HEMK2: variants seen among roughly 807,000 people sequenced by gnomAD.
The protein encoded by HEMK2 is methyltransferase HEMK2.
the HEMK2 span, among the ~76,000 whole-genome samples, chr21:28,604,683 C>A: frequency 6.6e-6 from 1 of 152,164 alleles, no homozygotes; most frequent in Non-Finnish European, 1.5e-5. Flanking sequence ...TAACCTGAGA[C>A]CATATGATAA....
the HEMK2 span, among the ~76,000 whole-genome samples, chr21:28,788,092 C>G: frequency 6.7e-6 from 1 of 149,970 alleles, no homozygotes; most frequent in African/African-American, 2.5e-5. Context: ...GCACATAGAC[C>G]AATGGAACAT....
the HEMK2 span, among the ~76,000 whole-genome samples, chr21:28,709,358 A>G: frequency 1.3e-5 from 2 of 152,330 alleles, no homozygotes; most frequent in Admixed American, 1.3e-4. Flanking sequence ...TGTGGAACCC[A>G]GGAGTGGCAC....
chr21:28,663,338 C>T, the HEMK2 span, among the ~76,000 whole-genome samples: 63 of 152,260 alleles, frequency 4.1e-4, no homozygotes, highest in African/African-American at 1.5e-3. Flanking sequence ...CCCAGTGTTC[C>T]CAGATCTCCT....
the HEMK2 span, among the ~76,000 whole-genome samples, chr21:28,839,472 C>G: frequency 6.6e-6 from 1 of 152,076 alleles, no homozygotes; most frequent in East Asian, 1.9e-4. Flanking sequence ...CTTGAAAACC[C>G]TAAGGACTCC....
At chr21:28,723,385 C>T in the HEMK2 span, among the ~76,000 whole-genome samples, 4 of 152,152 alleles carry the variant, frequency 2.6e-5, no homozygotes, top group Admixed American at 2.6e-4. Flanking sequence ...GAGACAACTC[C>T]TCTGCTACAC....
chr21:28,668,566 T>C, the HEMK2 span, among the ~76,000 whole-genome samples: 1 of 152,184 alleles, frequency 6.6e-6, no homozygotes, highest in Non-Finnish European at 1.5e-5. Context: ...TCTGCTCACA[T>C]TTCATTGACC....
the HEMK2 span, among the ~76,000 whole-genome samples, chr21:28,684,989 A>G: frequency 2.0e-5 from 3 of 152,264 alleles, no homozygotes; most frequent in Non-Finnish European, 4.4e-5. Flanking sequence ...TGAGTTCTGC[A>G]TGAACCGAAG....
the HEMK2 span, among the ~76,000 whole-genome samples, chr21:28,668,644 G>A: frequency 6.6e-6 from 1 of 152,178 alleles, no homozygotes; most frequent in African/African-American, 2.4e-5. Flanking sequence ...GTGCTGGTAT[G>A]GTCGAGGGCA....
chr21:28,703,835 A>T, the HEMK2 span, among the ~76,000 whole-genome samples: 3 of 152,216 alleles, frequency 2.0e-5, no homozygotes, highest in Admixed American at 1.3e-4. Context: ...ACAGAAAAAA[A>T]ATTACAGTGT....
At chr21:28,702,152 C>T in the HEMK2 span, among the ~76,000 whole-genome samples, 1 of 152,116 alleles carries the variant, frequency 6.6e-6, no homozygotes, top group Non-Finnish European at 1.5e-5. Flanking sequence ...AACTGGACCC[C>T]TGCCTATTAC....
At chr21:28,595,773 C>CTTTA in the HEMK2 span, among the ~76,000 whole-genome samples, 50,350 of 149,328 alleles carry the variant, frequency 0.34, 9,562 homozygotes, top group Middle Eastern at 0.43. Context: ...TTTTATTTTA[C>CTTTA]TTTATTTATT....
chr21:28,677,707 G>A, the HEMK2 span, among the ~76,000 whole-genome samples: 2 of 152,156 alleles, frequency 1.3e-5, no homozygotes, highest in Non-Finnish European at 2.9e-5. Flanking sequence ...AACTTCCAGA[G>A]GAACAATCAG....
chr21:28,610,907 A>T, the HEMK2 span, among the ~76,000 whole-genome samples: 1 of 152,190 alleles, frequency 6.6e-6, no homozygotes, highest in Non-Finnish European at 1.5e-5. Context: ...AACAATTACT[A>T]CTAGGCCTAA....
At chr21:28,776,536 A>G in the HEMK2 span, among the ~76,000 whole-genome samples, 1 of 152,196 alleles carries the variant, frequency 6.6e-6, no homozygotes, top group Non-Finnish European at 1.5e-5. Flanking sequence ...GCATAGATGT[A>G]TATATGAAGG....
chr21:28,737,884 G>C, the HEMK2 span, among the ~76,000 whole-genome samples: 1 of 152,184 alleles, frequency 6.6e-6, no homozygotes, highest in South Asian at 2.1e-4. Flanking sequence ...CACAAAGAAT[G>C]CAAGGATGAG....
the HEMK2 span, among the ~76,000 whole-genome samples, chr21:28,857,340 C>A: frequency 6.6e-6 from 1 of 151,790 alleles, no homozygotes; most frequent in South Asian, 2.1e-4. Context: ...AAGCACAAAA[C>A]GTATTTTGTA....
At chr21:28,711,430 T>C in the HEMK2 span, among the ~76,000 whole-genome samples, 1 of 152,140 alleles carries the variant, frequency 6.6e-6, no homozygotes, top group Non-Finnish European at 1.5e-5. Flanking sequence ...GGAGTCATGG[T>C]TCCTCAGAAC....
At chr21:28,580,481 C>T in the HEMK2 span, among the ~76,000 whole-genome samples, 1 of 146,082 alleles carries the variant, frequency 6.8e-6, no homozygotes, top group Non-Finnish European at 1.5e-5. Context: ...TTGAGCAAAA[C>T]AATATTCCCT....
At chr21:28,649,558 G>A in the HEMK2 span, among the ~76,000 whole-genome samples, 4 of 152,168 alleles carry the variant, frequency 2.6e-5, no homozygotes, top group Non-Finnish European at 5.9e-5. Context: ...ACAACTACAT[G>A]AACAGTAGAA....
Sources: allele counts gnomAD v4.1 joint callset (sites outside exome capture counted in the v4.1 genomes callset), GRCh38; gene constraint gnomAD v4.1.1; transcripts MANE v1.5; gene names NCBI Gene and HGNC (gene_info 2026-07-23, HGNC 2026-07-21).